Variants in IQGAP2 observed in about 807,000 individuals in gnomAD.
IQGAP2 encodes the protein ras GTPase-activating-like protein IQGAP2.
A neutral mutation model predicts 201.3 loss-of-function variants in IQGAP2; 173 were observed. That is an observed-to-expected ratio of 0.86 (90% CI 0.76 to 0.98). The LOEUF (loss-of-function observed/expected upper bound fraction) is 0.98, where lower values mean the gene tolerates loss of function less well. IQGAP2 is among the 50% of genes least tolerant of loss of function. IQGAP2 has a pLI of 0.00. For synonymous variants in IQGAP2, 675 were observed against 673.9 expected (o/e 1.00, Z -0.03); for missense variants, 1,687 against 1,864.8 (o/e 0.90, Z 1.76).
At chr5:76,433,412 C>T (rs1201198778) in intron 1 of IQGAP2, among the ~76,000 whole-genome samples, 3 of 152,024 alleles carry the variant, frequency 2.0e-5, no homozygotes, top group Non-Finnish European at 4.4e-5. Flanking sequence ...ATAGGGTGGC[C>T]CTCTCTTACA....
intron 2 of IQGAP2, among the ~76,000 whole-genome samples, chr5:76,496,694 C>G (rs908549840): frequency 1.6e-5 from 2 of 123,756 alleles, no homozygotes; most frequent in Non-Finnish European, 3.4e-5. Flanking sequence ...ATTTTTCTTT[C>G]TTTCTGTCTC....
chr5:76,608,957 C>G, intron 12 of IQGAP2: 1 of 747,336 alleles, frequency 1.3e-6, no homozygotes, highest in Middle Eastern at 3.3e-4. Flanking sequence ...AGAAGTGGAC[C>G]GTGGGCTGAG....
At chr5:76,526,610 G>A (rs1758990297) in intron 2 of IQGAP2, among the ~76,000 whole-genome samples, 1 of 152,180 alleles carries the variant, frequency 6.6e-6, no homozygotes, top group African/African-American at 2.4e-5. Flanking sequence ...AACTGGTGTT[G>A]CCATCCACCC....
At chr5:76,432,664 C>T (rs1294995991) in intron 1 of IQGAP2, among the ~76,000 whole-genome samples, 1 of 152,210 alleles carries the variant, frequency 6.6e-6, no homozygotes, top group Non-Finnish European at 1.5e-5. Context: ...TAAACGGTGC[C>T]AGGGACTGAG....
chr5:76,555,896 C>G (rs1743908649), intron 2 of IQGAP2, among the ~76,000 whole-genome samples: 1 of 152,186 alleles, frequency 6.6e-6, no homozygotes, highest in Admixed American at 6.5e-5. Context: ...TTCCCCACAC[C>G]TTCTGTGGTT....
At chr5:76,445,100 C>T (rs1024161498) in intron 1 of IQGAP2, among the ~76,000 whole-genome samples, 1 of 152,120 alleles carries the variant, frequency 6.6e-6, no homozygotes, top group Non-Finnish European at 1.5e-5. Context: ...GGTGGGTGGC[C>T]TCGTGTCTTT....
At chr5:76,575,844 G>T in intron 5 of IQGAP2, 75 bp downstream of exon 5, 2 of 804,744 alleles carry the variant, frequency 2.5e-6, no homozygotes, top group East Asian at 2.9e-5. Flanking sequence ...TTTTAAAAGA[G>T]GTTTTAAGTT....
At chr5:76,695,383 C>T in intron 31 of IQGAP2, 71 bp from the exon 32 acceptor site, 1 of 1,280,928 alleles carries the variant, frequency 7.8e-7, no homozygotes, top group Non-Finnish European at 1.1e-6. Context: ...CATTAACTTG[C>T]ATTGTGTAGC....
chr5:76,443,469 GT>G lies in IQGAP2; in HGVS notation c.47-18086del, dbSNP rs76592953. On this transcript the variant is annotated intron_variant, in intron 1 of 35. Transcript: ENST00000274364. ...GACCTCATCTCTGAAAACACCAAAA[GT>G]TTTTTTTTTTTTTTAATTAAAAAAA... is the stretch of plus-strand genomic sequence containing the variant. Among the ~76,000 whole-genome samples the G allele has an allele frequency of 7.8e-3, 1,085 of 138,478 alleles. 1 individual carries two copies. The highest frequency in any genetic ancestry group is 9.5e-3 in the African/African-American group (355 of 37,450). The allele number at this position is 138,478 out of a possible 152,430, so 90.8% of individuals were successfully genotyped here.
chr5:76,658,457 A>G lies in IQGAP2; in HGVS notation c.2321-2A>G, dbSNP rs1187950275. On this transcript the variant is annotated splice_acceptor_variant, in intron 20 of 35. Coordinates refer to ENST00000274364, the MANE Select transcript of IQGAP2 (RefSeq NM_006633.5). LOFTEE classifies it high-confidence loss of function. ...AAAGTATACCTGTTCCTGTCACTGCAGTTGGCTCTGAAAACCCACCATTAA... is the reference window on the plus strand; with the variant it reads ...AAAGTATACCTGTTCCTGTCACTGCGGTTGGCTCTGAAAACCCACCATTAA... 3.6e-5 allele frequency: 58 copies of G among 1,610,458 alleles called. No individual in the cohort carries two copies. Among genetic ancestry groups the G allele is most frequent in the Non-Finnish European group, 4.8e-5 (56 of 1,176,726 alleles).
chr5:76,673,859 C>G, intron 25 of IQGAP2, 93 bp from the exon 26 acceptor site: 2 of 805,250 alleles, frequency 2.5e-6, no homozygotes, highest in Non-Finnish European at 4.2e-6. Context: ...AGAAAAACTA[C>G]TCAGCTGAAG....
Position 76,665,195 on chromosome 5 carries a change from CACTCTGAGTTTGGGAGTAAT to C in IQGAP2, c.2679+24_2679+43del, listed in dbSNP as rs770362709. ...TTACAGGTGAGAACAATTTATCGTTCACTCTGAGTTTGGGAGTAATACTATGTTACATGTTTGTGGCTTAC... is the reference window on the plus strand; with the variant it reads ...TTACAGGTGAGAACAATTTATCGTTCACTATGTTACATGTTTGTGGCTTAC... On this transcript the variant is annotated intron_variant, in intron 22 of 35. Coordinates refer to ENST00000274364, the MANE Select transcript of IQGAP2 (RefSeq NM_006633.5). The C allele has an allele frequency of 1.9e-6, 3 of 1,605,834 alleles. No homozygotes were observed. The African/African-American group carries it at 4.0e-5, about 22-fold the overall frequency.
chr5:76,499,098 T>A (rs1440497765), intron 2 of IQGAP2, among the ~76,000 whole-genome samples: 1 of 152,226 alleles, frequency 6.6e-6, no homozygotes, highest in African/African-American at 2.4e-5. Flanking sequence ...GGATTTGAAT[T>A]CTGACCACCT....
chr5:76,602,354 C>T (rs1323150324), intron 11 of IQGAP2, among the ~76,000 whole-genome samples: 1 of 152,184 alleles, frequency 6.6e-6, no homozygotes, highest in Non-Finnish European at 1.5e-5. Flanking sequence ...ACTGTCAAGA[C>T]TATTCCACAT....
Position 76,441,534 on chromosome 5 carries a change from TG to T in IQGAP2, c.47-20035del, listed in dbSNP as rs1300236069. On this transcript the variant is annotated intron_variant, in intron 1 of 35. Coordinates refer to ENST00000274364, the MANE Select transcript of IQGAP2 (RefSeq NM_006633.5). The stretch of plus-strand genomic sequence containing the variant: ...GCATGTTGGTAAGAGAAGGTACAAC[TG>T]TAATAATGCTACTTCTTATAAAGCC... The T allele has an allele frequency of 3.0e-6, 3 of 984,522 alleles. No individual in the cohort carries two copies. The African/African-American group carries it at 5.2e-5, about 17-fold the overall frequency. The allele number at this position is 984,522 out of a possible 1,614,324, so 61.0% of individuals were successfully genotyped here. A position where few individuals can be genotyped will look rare whatever the true frequency, so the allele number is the denominator to read the frequency against.
At chr5:76,527,204 C>T (rs544447309) in intron 2 of IQGAP2, among the ~76,000 whole-genome samples, 1 of 152,142 alleles carries the variant, frequency 6.6e-6, no homozygotes, top group Non-Finnish European at 1.5e-5. Context: ...TAATGCAAGC[C>T]AGAAAAGATG....
chr5:76,619,146 A>G (rs1749334915), intron 13 of IQGAP2, among the ~76,000 whole-genome samples: 1 of 152,218 alleles, frequency 6.6e-6, no homozygotes, highest in Non-Finnish European at 1.5e-5. Context: ...GCAAATTTTT[A>G]TTGTACATTG....
intron 2 of IQGAP2, among the ~76,000 whole-genome samples, chr5:76,526,345 G>C (rs979891910): frequency 6.6e-6 from 1 of 152,116 alleles, no homozygotes; most frequent in East Asian, 1.9e-4. Context: ...GAGAGGTAGG[G>C]GCAGACTTTA....
At chr5:76,609,279 A>C in intron 12 of IQGAP2, 1 of 1,516,888 alleles carries the variant, frequency 6.6e-7, no homozygotes. Context: ...ATGGCACTAA[A>C]TATTCCATGC....
Sources: allele counts gnomAD v4.1 joint callset (sites outside exome capture counted in the v4.1 genomes callset), GRCh38; gene constraint gnomAD v4.1.1; transcripts MANE v1.5; gene names NCBI Gene and HGNC (gene_info 2026-07-23, HGNC 2026-07-21).